POU2AF2: variants seen among roughly 807,000 people sequenced by gnomAD.
The protein encoded by POU2AF2 is POU class 2 homeobox associating factor 2.
the POU2AF2 span, among the ~76,000 whole-genome samples, chr11:111,246,679 C>A: frequency 1.3e-5 from 2 of 152,060 alleles, no homozygotes; most frequent in Admixed American, 1.3e-4. Flanking sequence ...TTAGCTGTGA[C>A]AATTTTTAAA....
At chr11:111,278,643 C>T in the POU2AF2 span, among the ~76,000 whole-genome samples, 2 of 152,200 alleles carry the variant, frequency 1.3e-5, no homozygotes, top group East Asian at 1.9e-4. Context: ...AAAGAGGGCC[C>T]GCACTAAAAA....
At chr11:111,272,141 T>A in the POU2AF2 span, among the ~76,000 whole-genome samples, 1 of 152,342 alleles carries the variant, frequency 6.6e-6, no homozygotes, top group African/African-American at 2.4e-5. Flanking sequence ...ATTTTGAGCC[T>A]TTGCTTCTCC....
the POU2AF2 span, among the ~76,000 whole-genome samples, chr11:111,246,966 T>C: frequency 6.6e-6 from 1 of 152,128 alleles, no homozygotes; most frequent in Non-Finnish European, 1.5e-5. Flanking sequence ...TCTCATTTCC[T>C]CCCCCACCTC....
At chr11:111,276,450 A>AT in the POU2AF2 span, among the ~76,000 whole-genome samples, 16 of 43,598 alleles carry the variant, frequency 3.7e-4, no homozygotes, top group East Asian at 1.6e-3. Context: ...AAAAAAAAAA[A>AT]AAAATATATA....
chr11:111,247,191 C>CAGAG, the POU2AF2 span, among the ~76,000 whole-genome samples: 6,708 of 144,796 alleles, frequency 0.046, 177 homozygotes, highest in Admixed American at 0.056. Context: ...TACACACACA[C>CAGAG]AGAGAGAGAG....
chr11:111,276,074 A>G, the POU2AF2 span, among the ~76,000 whole-genome samples: 1 of 152,122 alleles, frequency 6.6e-6, no homozygotes, highest in Non-Finnish European at 1.5e-5. Flanking sequence ...GAACAGTCAT[A>G]ATAAAGACAA....
At chr11:111,265,768 C>T in the POU2AF2 span, among the ~76,000 whole-genome samples, 5 of 152,096 alleles carry the variant, frequency 3.3e-5, no homozygotes, top group East Asian at 3.9e-4. Context: ...GTTAGATCCT[C>T]CTGTCATCAC....
the POU2AF2 span, chr11:111,285,984 A>C: frequency 6.2e-7 from 1 of 1,613,474 alleles, no homozygotes; most frequent in South Asian, 1.1e-5. Context: ...TCCCTCCATG[A>C]CCCTTCCCCT....
chr11:111,250,290 G>A, the POU2AF2 span, among the ~76,000 whole-genome samples: 1 of 151,976 alleles, frequency 6.6e-6, no homozygotes, highest in Non-Finnish European at 1.5e-5. Flanking sequence ...CATCCTCTCA[G>A]TTTCCTCATC....
At chr11:111,249,919 C>A in the POU2AF2 span, among the ~76,000 whole-genome samples, 5 of 152,308 alleles carry the variant, frequency 3.3e-5, no homozygotes, top group African/African-American at 1.2e-4. Context: ...AATTTCTACT[C>A]TTCTCTTGCT....
At chr11:111,281,419 T>C in the POU2AF2 span, 2 of 1,613,542 alleles carry the variant, frequency 1.2e-6, no homozygotes, top group Non-Finnish European at 1.7e-6. Flanking sequence ...TTCCTCTCAG[T>C]CTCCATTTGT....
chr11:111,264,491 CGAAAGAAA>C, the POU2AF2 span, among the ~76,000 whole-genome samples: 1,423 of 85,970 alleles, frequency 0.017, 18 homozygotes, highest in East Asian at 0.03. Flanking sequence ...GCAAGACTCA[CGAAAGAAA>C]GAAAGAAAGA....
At chr11:111,283,960 G>T in the POU2AF2 span, 46 of 872,640 alleles carry the variant, frequency 5.3e-5, 1 homozygote, top group Admixed American at 9.1e-5. Flanking sequence ...CCATGTTAGC[G>T]TTGGAGTCAG....
chr11:111,272,646 T>G, the POU2AF2 span, among the ~76,000 whole-genome samples: 2 of 152,308 alleles, frequency 1.3e-5, no homozygotes, highest in Middle Eastern at 3.4e-3. Context: ...ATTGCACCAA[T>G]TACATATATA....
At chr11:111,246,724 A>G in the POU2AF2 span, among the ~76,000 whole-genome samples, 2 of 152,200 alleles carry the variant, frequency 1.3e-5, no homozygotes, top group African/African-American at 4.8e-5. Context: ...CTTGAGATTC[A>G]CAGCATGTTA....
chr11:111,281,529 A>G, the POU2AF2 span: 7 of 1,349,554 alleles, frequency 5.2e-6, no homozygotes, highest in South Asian at 3.7e-5. Flanking sequence ...ACCTTACAAC[A>G]CTTCCAAAAC....
At chr11:111,269,002 A>G in the POU2AF2 span, among the ~76,000 whole-genome samples, 1 of 152,032 alleles carries the variant, frequency 6.6e-6, no homozygotes, top group African/African-American at 2.4e-5. Context: ...TATCTTATTT[A>G]TCCTTGCTAC....
chr11:111,264,568 GAAAGAAAGGGA>G, the POU2AF2 span, among the ~76,000 whole-genome samples: 1 of 34,594 alleles, frequency 2.9e-5, no homozygotes, highest in Non-Finnish European at 5.6e-5. Context: ...AAGAAAGAAA[GAAAGAAAGGGA>G]GAGAGAAAGA....
the POU2AF2 span, among the ~76,000 whole-genome samples, chr11:111,258,061 T>C: frequency 1.3e-5 from 2 of 152,170 alleles, no homozygotes; most frequent in African/African-American, 2.4e-5. Flanking sequence ...GAGGTTGCAG[T>C]GATCTGAGTT....
Sources: gnomAD v4.1 joint callset for allele counts (sites outside exome capture counted in the v4.1 genomes callset) on GRCh38, gnomAD v4.1.1 for gene constraint, MANE v1.5 for transcripts, NCBI Gene and HGNC (gene_info 2026-07-23, HGNC 2026-07-21) for gene names.